IMPA1: variants seen among roughly 807,000 people sequenced by gnomAD.
The protein encoded by IMPA1 is D-galactose 1-phosphate phosphatase.
In IMPA1, 21 loss-of-function variants were observed where a neutral mutation model predicts 34.9. The ratio of observed to expected loss-of-function variants is 0.60; its 90% CI spans 0.43 to 0.87. IMPA1 has a LOEUF of 0.87. Ranked by LOEUF, IMPA1 falls within the 40% of genes least tolerant of loss-of-function variation. The pLI is 0.00. For missense variants in IMPA1, 299 were observed against 336.4 expected (o/e 0.89, Z 0.87); for synonymous variants, 95 against 104.4 (o/e 0.91, Z 0.55).
intron 7 of IMPA1, among the ~76,000 whole-genome samples, chr8:81,665,505 C>T (rs1806796993): frequency 6.6e-6 from 1 of 151,960 alleles, no homozygotes; most frequent in East Asian, 1.9e-4. Flanking sequence ...AATGAAGACA[C>T]AAAGGAGATG....
chr8:81,684,138 T>TAC (rs955987022), intron 1 of IMPA1, among the ~76,000 whole-genome samples: 109 of 114,010 alleles, frequency 9.6e-4, no homozygotes, highest in Middle Eastern at 5.1e-3. Flanking sequence ...CATACACACA[T>TAC]ACACACACAC....
At chr8:81,663,908 G>A (rs2737037) in intron 7 of IMPA1, among the ~76,000 whole-genome samples, 3 of 152,028 alleles carry the variant, frequency 2.0e-5, no homozygotes, top group South Asian at 2.1e-4. Context: ...GCGTGGTGGC[G>A]GGCACCTGTA....
chr8:81,658,837 T>A lies in IMPA1; in HGVS notation c.*514A>T, dbSNP rs1031277443. 3.3e-5 allele frequency: 5 copies of A among 152,598 alleles called. No individual in the cohort carries two copies. The highest frequency in any genetic ancestry group is 6.5e-5 in the Admixed American group (1 of 15,282). The allele number at this position is 152,598 out of a possible 1,614,324, so 9.5% of individuals were successfully genotyped here. The stretch of plus-strand genomic sequence containing the variant: ...ATGTTTGTTTTTAGTTGCCTAGATA[T>A]GTAATGGGCCAGGTGCTATATGAAC... On this transcript the variant is annotated 3_prime_UTR_variant, in exon 9 of 9. Transcript: ENST00000256108.
intron 1 of IMPA1, 195 bp downstream of exon 1, chr8:81,686,057 T>TG (rs1807514649): frequency 9.1e-7 from 1 of 1,100,662 alleles, no homozygotes; most frequent in Admixed American, 3.5e-5. Context: ...GCTACTCCAA[T>TG]GCCGGAACTG....
intron 6 of IMPA1, among the ~76,000 whole-genome samples, chr8:81,672,820 CT>C (rs1193541063): frequency 1.3e-5 from 2 of 152,104 alleles, no homozygotes; most frequent in Non-Finnish European, 2.9e-5. Flanking sequence ...CTTTAACGGG[CT>C]TTTTTTCCAC....
chr8:81,680,097 T>C (rs1478030913), intron 3 of IMPA1, among the ~76,000 whole-genome samples: 1 of 148,728 alleles, frequency 6.7e-6, no homozygotes, highest in African/African-American at 2.5e-5. Context: ...ATCATGCCAC[T>C]GCACTCCAGC....
At position 81,659,253 on chromosome 8, in the gene IMPA1, A is replaced by C; in HGVS notation, c.*98T>G. Reference sequence around the variant, plus strand: ...CAAATTTTTGACCTGGACAAAGAGAATTTAAACCAAGCATATCATACATCC... The same window carrying C: ...CAAATTTTTGACCTGGACAAAGAGACTTTAAACCAAGCATATCATACATCC... On this transcript the variant is annotated 3_prime_UTR_variant, in exon 9 of 9. Coordinates refer to ENST00000256108, the MANE Select transcript of IMPA1 (RefSeq NM_005536.4). The C allele has an allele frequency of 1.3e-6, 1 of 748,658 alleles. No individual in the cohort carries two copies. The highest frequency in any genetic ancestry group is 2.4e-6 in the Non-Finnish European group (1 of 420,858). The allele number at this position is 748,658 out of a possible 1,614,324, so 46.4% of individuals were successfully genotyped here.
chr8:81,684,379 T>C (rs1008050610), intron 1 of IMPA1, among the ~76,000 whole-genome samples: 2 of 145,608 alleles, frequency 1.4e-5, no homozygotes, highest in African/African-American at 5.0e-5. Context: ...TTAGATACTA[T>C]ATATAGTATA....
intron 1 of IMPA1, chr8:81,685,818 G>C: frequency 6.5e-7 from 1 of 1,548,876 alleles, no homozygotes; most frequent in Middle Eastern, 1.7e-4. Flanking sequence ...TTCTGTCCTG[G>C]TCACAGCCTT....
Position 81,656,967 on chromosome 8 carries a change from T to C in IMPA1, c.*2384A>G, listed in dbSNP as rs2130222704. Among the ~76,000 whole-genome samples the C allele has an allele frequency of 6.6e-6, 1 of 152,342 alleles. No individual in the cohort carries two copies. The highest frequency in any genetic ancestry group is 2.1e-4 in the South Asian group (1 of 4,828). ...GTTCAAGTACATATATTTATGTATA[T>C]TTATGTATGTATCTGTGTATGTATC... On this transcript the variant is annotated 3_prime_UTR_variant, in exon 9 of 9. Transcript: ENST00000256108.
intron 8 of IMPA1, among the ~76,000 whole-genome samples, 196 bp downstream of exon 8, chr8:81,660,320 G>T (rs1242055067): frequency 6.6e-6 from 1 of 152,140 alleles, no homozygotes; most frequent in Non-Finnish European, 1.5e-5. Context: ...ATTTATCATT[G>T]TAAGTCTCAC....
At chr8:81,675,094 G>T (rs1363283600) in intron 5 of IMPA1, among the ~76,000 whole-genome samples, 1 of 152,064 alleles carries the variant, frequency 6.6e-6, no homozygotes, top group African/African-American at 2.4e-5. Flanking sequence ...GCATGGACTG[G>T]CCACAGTGCC....
At chr8:81,674,410 T>C (rs1807073565) in intron 5 of IMPA1, 1 of 179,722 alleles carries the variant, frequency 5.6e-6, no homozygotes, top group Non-Finnish European at 1.2e-5. Flanking sequence ...ATGAGTAACT[T>C]TGCATCTCCT....
chr8:81,683,780 T>A (rs1807374083), intron 1 of IMPA1, among the ~76,000 whole-genome samples: 1 of 111,958 alleles, frequency 8.9e-6, no homozygotes, highest in Non-Finnish European at 1.7e-5. Flanking sequence ...AGGTCCTGAG[T>A]CTGGATAATC....
intron 5 of IMPA1, among the ~76,000 whole-genome samples, chr8:81,675,561 C>T (rs1450554023): frequency 6.6e-6 from 1 of 152,186 alleles, no homozygotes; most frequent in Admixed American, 6.5e-5. Context: ...TGGGGCTAAG[C>T]TGTCATTTGT....
chr8:81,665,347 G>T (rs1246509359), intron 7 of IMPA1, among the ~76,000 whole-genome samples: 1 of 151,964 alleles, frequency 6.6e-6, no homozygotes, highest in Non-Finnish European at 1.5e-5. Context: ...AAGAAATGGG[G>T]GGGAAATAAA....
chr8:81,676,314 C>T (rs376369334), intron 4 of IMPA1, 35 bp from the exon 5 acceptor site: 515 of 1,033,608 alleles, frequency 5.0e-4, no homozygotes, highest in Admixed American at 1.3e-3. Context: ...TACAAATTAA[C>T]CAACATAGAA....
chr8:81,679,602 G>T (rs539285662), intron 3 of IMPA1, among the ~76,000 whole-genome samples: 163 of 141,050 alleles, frequency 1.2e-3, no homozygotes, highest in Non-Finnish European at 1.5e-3. Context: ...AACTGAGAGA[G>T]ACTCTGTCTC....
intron 7 of IMPA1, 98 bp from the exon 8 acceptor site, chr8:81,660,765 G>A: frequency 4.5e-6 from 4 of 893,448 alleles, no homozygotes; most frequent in South Asian, 2.1e-5. Context: ...GAAGAAACTT[G>A]GAACGATCTA....
Sources: gnomAD v4.1 joint callset for allele counts (sites outside exome capture counted in the v4.1 genomes callset) on GRCh38, gnomAD v4.1.1 for gene constraint, MANE v1.5 for transcripts, NCBI Gene and HGNC (gene_info 2026-07-23, HGNC 2026-07-21) for gene names.